CACNA2D3: variants seen among roughly 807,000 people sequenced by gnomAD.
CACNA2D3 encodes voltage-dependent calcium channel subunit alpha-2/delta-3.
A neutral mutation model predicts 160.6 loss-of-function variants in CACNA2D3; 60 were observed. The observed-to-expected ratio is 0.37, with a 90% CI of 0.30 to 0.46. The LOEUF (loss-of-function observed/expected upper bound fraction) is 0.46, where lower values mean the gene tolerates loss of function less well. CACNA2D3 is among the 20% of genes least tolerant of loss of function. CACNA2D3 has a pLI of 1.00. For missense variants in CACNA2D3, 1,205 were observed against 1,365.0 expected, an observed-to-expected ratio of 0.88 and a Z score of 1.85; for synonymous variants, 558 against 492.9, an observed-to-expected ratio of 1.13 and a Z score of -1.75.
chr3:54,308,277 G>A (rs1013797006), intron 2 of CACNA2D3, among the ~76,000 whole-genome samples: 9 of 152,176 alleles, frequency 5.9e-5, no homozygotes, highest in African/African-American at 2.2e-4. Context: ...GGAGCCTGGG[G>A]ATAGTCCTCA....
chr3:54,871,135 A>C (rs916928402), intron 17 of CACNA2D3, among the ~76,000 whole-genome samples: 1 of 147,350 alleles, frequency 6.8e-6, no homozygotes, highest in Non-Finnish European at 1.5e-5. Context: ...CTAGTCTGCT[A>C]TGATTTACAG....
At position 54,745,444 on chromosome 3, in the gene CACNA2D3, T is replaced by A. The variant is rs975352278; in HGVS notation, c.1168-7155T>A. On this transcript the variant is annotated intron_variant, in intron 11 of 37. Coordinates refer to ENST00000474759, the MANE Select transcript of CACNA2D3 (RefSeq NM_018398.3). ...ACTTGCAGGCCAGTTGCTTACTATC[T>A]CCAGGAATTAGCTAACCCTAGGAGG... Among the ~76,000 whole-genome samples the A allele has an allele frequency of 7.2e-5, 11 of 152,178 alleles. No homozygotes were observed. The South Asian group carries it at 1.7e-3, about 23-fold the overall frequency.
intron 5 of CACNA2D3, among the ~76,000 whole-genome samples, chr3:54,534,999 T>C (rs894791793): frequency 6.6e-6 from 1 of 152,220 alleles, no homozygotes; most frequent in Non-Finnish European, 1.5e-5. Flanking sequence ...TCTGACTTTA[T>C]TTTTTCATGG....
intron 10 of CACNA2D3, among the ~76,000 whole-genome samples, chr3:54,631,075 G>A (rs1307029708): frequency 1.3e-5 from 2 of 151,980 alleles, no homozygotes; most frequent in African/African-American, 4.8e-5. Context: ...ATGGTGGTAG[G>A]CGCCTGTAAT....
rs144807990 is a variant in CACNA2D3 at position 54,765,682 on chromosome 3, G to A, written c.1380+1331G>A. Among the ~76,000 whole-genome samples the A allele has an allele frequency of 9.6e-3, 1,465 of 152,144 alleles. 26 individuals are homozygous for A. The highest frequency in any genetic ancestry group is 0.033 in the African/African-American group (1,386 of 41,496). On this transcript the variant is annotated intron_variant, in intron 13 of 37. Transcript: ENST00000474759. ...TGGTTTTGTGTACAAACCCCAAATA[G>A]CCAGTTTGTTCAGTCATTTTATTTG...
chr3:54,776,828 T>G (rs1702434458), intron 13 of CACNA2D3, among the ~76,000 whole-genome samples: 1 of 152,100 alleles, frequency 6.6e-6, no homozygotes, highest in South Asian at 2.1e-4. Context: ...CCTTCCTCCA[T>G]AGACTATCCC....
chr3:54,457,021 TA>T (rs1575465248), intron 4 of CACNA2D3, among the ~76,000 whole-genome samples: 1 of 151,984 alleles, frequency 6.6e-6, no homozygotes, highest in East Asian at 1.9e-4. Context: ...TAATTTTGTT[TA>T]TCTTTTCAAA....
chr3:54,241,499 A>G (rs990877856), intron 2 of CACNA2D3, among the ~76,000 whole-genome samples: 3 of 152,230 alleles, frequency 2.0e-5, no homozygotes, highest in Admixed American at 2.0e-4. Flanking sequence ...ACTGTCTGGT[A>G]ACTTTGAGAT....
intron 27 of CACNA2D3, among the ~76,000 whole-genome samples, chr3:54,916,883 A>G (rs1700675857): frequency 6.6e-6 from 1 of 152,202 alleles, no homozygotes; most frequent in South Asian, 2.1e-4. Flanking sequence ...AACCAACTCC[A>G]GTTGATTAGT....
chr3:54,770,603 C>T (rs1420496483), intron 13 of CACNA2D3, among the ~76,000 whole-genome samples: 1 of 152,108 alleles, frequency 6.6e-6, no homozygotes, highest in Non-Finnish European at 1.5e-5. Flanking sequence ...GACTCAGTGT[C>T]AGTTAAGCGC....
At chr3:54,189,353 A>G (rs573842284) in intron 2 of CACNA2D3, among the ~76,000 whole-genome samples, 1 of 152,320 alleles carries the variant, frequency 6.6e-6, no homozygotes, top group Admixed American at 6.5e-5. Context: ...TGTTCCATCC[A>G]TTAATTAAGG....
chr3:54,377,013 C>T (rs980859877), intron 3 of CACNA2D3, among the ~76,000 whole-genome samples: 2 of 152,170 alleles, frequency 1.3e-5, no homozygotes, highest in African/African-American at 4.8e-5. Flanking sequence ...ATTTCATTTT[C>T]GAGGAGAAAG....
chr3:55,019,110 T>TC (rs368979475), intron 35 of CACNA2D3, among the ~76,000 whole-genome samples: 2 of 151,524 alleles, frequency 1.3e-5, no homozygotes, highest in African/African-American at 4.9e-5. Flanking sequence ...TTTCTTTCTT[T>TC]TTTTAATAAG....
chr3:54,894,181 T>A (rs2106874348), intron 25 of CACNA2D3, among the ~76,000 whole-genome samples: 1 of 152,306 alleles, frequency 6.6e-6, no homozygotes. Context: ...GACTTTCACC[T>A]TACCCAGAAG....
At chr3:54,493,437 A>G (rs1559497115) in intron 4 of CACNA2D3, among the ~76,000 whole-genome samples, 1 of 152,130 alleles carries the variant, frequency 6.6e-6, no homozygotes, top group Non-Finnish European at 1.5e-5. Context: ...TTGGTCCAGA[A>G]AATAATGTCC....
chr3:54,300,994 C>T (rs1384301951), intron 2 of CACNA2D3, among the ~76,000 whole-genome samples: 1 of 150,816 alleles, frequency 6.6e-6, no homozygotes, highest in Non-Finnish European at 1.5e-5. Flanking sequence ...ACACTCTAGC[C>T]TTAGTGGCAG....
chr3:54,570,906 A>G lies in CACNA2D3; in HGVS notation c.888+802A>G, dbSNP rs113926508. On this transcript the variant is annotated intron_variant, in intron 8 of 37. Transcript: ENST00000474759. ...TGAAGAGATTTATTCTGAGCCAAAT[A>G]TGAGTGACCATGGCCTGTGACACAG... Among the ~76,000 whole-genome samples, 50 of 152,298 alleles carry G rather than the reference A, an allele frequency of 3.3e-4. 2 individuals are homozygous for G. The highest frequency in any genetic ancestry group is 1.2e-3 in the African/African-American group (48 of 41,564).
chr3:54,864,625 G>A (rs1167552859), intron 17 of CACNA2D3, among the ~76,000 whole-genome samples: 3 of 152,178 alleles, frequency 2.0e-5, no homozygotes, highest in Non-Finnish European at 2.9e-5. Flanking sequence ...CAGTTTCAGG[G>A]CAGGCCAAAT....
chr3:54,407,415 T>A (rs971464390), intron 4 of CACNA2D3, among the ~76,000 whole-genome samples: 4 of 152,224 alleles, frequency 2.6e-5, no homozygotes, highest in Admixed American at 2.0e-4. Flanking sequence ...TTTTTTAATG[T>A]GTATCAGCTT....
Sources: allele counts gnomAD v4.1 joint callset (sites outside exome capture counted in the v4.1 genomes callset), GRCh38; gene constraint gnomAD v4.1.1; transcripts MANE v1.5; gene names NCBI Gene and HGNC (gene_info 2026-07-23, HGNC 2026-07-21).